The following ROBO1 variants were observed in gnomAD, a reference collection of about 807,000 sequenced individuals.
ROBO1 encodes the protein roundabout homolog 1.
ROBO1 carries 149 observed loss-of-function variants against 195.9 expected under a neutral mutation model. That is an observed-to-expected ratio of 0.76 (90% CI 0.67 to 0.87). The LOEUF is 0.87. ROBO1 is among the 40% of genes least tolerant of loss of function. ROBO1 has a pLI of 0.00. For synonymous variants in ROBO1, 816 were observed against 733.2 expected (o/e 1.11, Z -1.82); for missense variants, 1,933 against 2,068.3 (o/e 0.93, Z 1.27).
rs150157014 is a variant in ROBO1, at chr3:79,534,512, C to A, written c.88+55312G>T. ...GACCTTCTGAGTATATTGTTAGATTCAATTCTCAGACAAAGCCTGAAAATC... is the reference window on the plus strand; with the variant it reads ...GACCTTCTGAGTATATTGTTAGATTAAATTCTCAGACAAAGCCTGAAAATC... On this transcript the variant is annotated intron_variant, in intron 2 of 30. Transcript: ENST00000464233. 6.0e-3 allele frequency among the ~76,000 whole-genome samples: 911 copies of A among 152,204 alleles called. 10 individuals are homozygous for A. Among genetic ancestry groups the A allele is most frequent in the Middle Eastern group, 0.031 (9 of 294 alleles).
chr3:78,701,375 T>C (rs947434990), intron 8 of ROBO1, among the ~76,000 whole-genome samples: 2 of 152,168 alleles, frequency 1.3e-5, no homozygotes, highest in African/African-American at 4.8e-5. Context: ...AAGCAGCCAA[T>C]TCCGTGCCTG....
intron 1 of ROBO1, among the ~76,000 whole-genome samples, chr3:79,681,184 T>C (rs1946936256): frequency 6.6e-6 from 1 of 151,358 alleles, no homozygotes; most frequent in Non-Finnish European, 1.5e-5. Context: ...GATGAAGGAG[T>C]GGTAGCTGTA....
intron 4 of ROBO1, among the ~76,000 whole-genome samples, chr3:78,849,884 G>C (rs2033940537): frequency 7.0e-6 from 1 of 142,068 alleles, no homozygotes; most frequent in African/African-American, 2.8e-5. Flanking sequence ...TTATAGTCAT[G>C]CACTGCATAA....
chr3:78,877,739 T>C (rs1481515149), intron 4 of ROBO1, among the ~76,000 whole-genome samples: 1 of 152,218 alleles, frequency 6.6e-6, no homozygotes, highest in African/African-American at 2.4e-5. Context: ...CTGCTTTTCA[T>C]TCATACAATG....
chr3:78,615,173 GT>G (rs1456403789), intron 27 of ROBO1, among the ~76,000 whole-genome samples: 1 of 152,148 alleles, frequency 6.6e-6, no homozygotes, highest in Non-Finnish European at 1.5e-5. Context: ...GCCAATGTTT[GT>G]TGCTTTTTCA....
chr3:78,698,377 T>C (rs992504293), intron 8 of ROBO1, among the ~76,000 whole-genome samples: 2 of 152,156 alleles, frequency 1.3e-5, no homozygotes, highest in African/African-American at 2.4e-5. Context: ...AAAGATTGAG[T>C]TTAACTTAAA....
chr3:79,193,990 G>A (rs1354954194), intron 2 of ROBO1, among the ~76,000 whole-genome samples: 1 of 151,634 alleles, frequency 6.6e-6, no homozygotes, highest in African/African-American at 2.4e-5. Context: ...CAATAAATCA[G>A]TACCAACTTG....
At chr3:78,696,291 C>A (rs1367325071) in intron 8 of ROBO1, among the ~76,000 whole-genome samples, 3 of 152,148 alleles carry the variant, frequency 2.0e-5, no homozygotes, top group Admixed American at 2.0e-4. Context: ...AGTCCCTTTT[C>A]TTGCTAAGAG....
chr3:79,492,733 T>A (rs1385940373), intron 2 of ROBO1, among the ~76,000 whole-genome samples: 1 of 152,100 alleles, frequency 6.6e-6, no homozygotes, highest in Non-Finnish European at 1.5e-5. Context: ...ATCTGACATA[T>A]AATGTATTAG....
chr3:79,285,615 A>G (rs952187716), intron 2 of ROBO1, among the ~76,000 whole-genome samples: 3 of 152,206 alleles, frequency 2.0e-5, no homozygotes, highest in African/African-American at 7.2e-5. Context: ...CCAAGGAGAC[A>G]TATCAAAGCC....
chr3:79,037,766 CAT>C (rs1389812214), intron 3 of ROBO1, among the ~76,000 whole-genome samples: 3 of 152,070 alleles, frequency 2.0e-5, no homozygotes, highest in Non-Finnish European at 2.9e-5. Flanking sequence ...GTAAATTGGA[CAT>C]ATATATTTTT....
intron 2 of ROBO1, among the ~76,000 whole-genome samples, chr3:79,154,075 T>C (rs375293003): frequency 2.6e-5 from 4 of 151,754 alleles, no homozygotes; most frequent in Non-Finnish European, 4.4e-5. Context: ...CTTTCTCTAC[T>C]TCCCTCATTA....
chr3:79,225,203 A>T (rs1456583907), intron 2 of ROBO1, among the ~76,000 whole-genome samples: 1 of 152,156 alleles, frequency 6.6e-6, no homozygotes, highest in East Asian at 1.9e-4. Context: ...CCCCAGCCAT[A>T]GACTAGTATA....
intron 1 of ROBO1, among the ~76,000 whole-genome samples, chr3:79,675,063 G>C (rs1456853723): frequency 5.3e-5 from 8 of 151,816 alleles, no homozygotes; most frequent in Admixed American, 5.3e-4. Flanking sequence ...TGAGCACAGT[G>C]CTTCTGTTGA....
chr3:78,762,420 C>T (rs546361914), intron 4 of ROBO1, among the ~76,000 whole-genome samples: 1 of 152,140 alleles, frequency 6.6e-6, no homozygotes, highest in East Asian at 1.9e-4. Context: ...CTCCTAATTT[C>T]ATTTATATTT....
chr3:78,699,025 C>T (rs755561986), intron 8 of ROBO1, among the ~76,000 whole-genome samples: 7 of 152,126 alleles, frequency 4.6e-5, no homozygotes, highest in Admixed American at 2.6e-4. Flanking sequence ...ATATTCCCTA[C>T]GTCCACTTAG....
chr3:79,754,911 A>T (rs1704308029), intron 1 of ROBO1, among the ~76,000 whole-genome samples: 3 of 151,878 alleles, frequency 2.0e-5, no homozygotes, highest in Admixed American at 1.3e-4. Flanking sequence ...ATGGAGTTTC[A>T]CTCTTGTTGC....
At chr3:79,225,481 T>C (rs2108837785) in intron 2 of ROBO1, among the ~76,000 whole-genome samples, 1 of 152,324 alleles carries the variant, frequency 6.6e-6, no homozygotes, top group African/African-American at 2.4e-5. Context: ...CCAGTATTCC[T>C]GAATGAGCAA....
At chr3:79,415,465 G>A (rs575592897) in intron 2 of ROBO1, among the ~76,000 whole-genome samples, 2 of 152,172 alleles carry the variant, frequency 1.3e-5, no homozygotes, top group East Asian at 1.9e-4. Flanking sequence ...GGGCAAAAAC[G>A]AGACAAGCAG....
Sources: gnomAD v4.1 joint callset for allele counts (sites outside exome capture counted in the v4.1 genomes callset) on GRCh38, gnomAD v4.1.1 for gene constraint, MANE v1.5 for transcripts, NCBI Gene and HGNC (gene_info 2026-07-23, HGNC 2026-07-21) for gene names.